The following PIWIL2 variants were observed in gnomAD, a reference collection of about 807,000 sequenced individuals.
PIWIL2 encodes piwi-like protein 2.
A neutral mutation model predicts 116.5 loss-of-function variants in PIWIL2; 81 were observed. The observed-to-expected ratio is 0.70, with a 90% confidence interval of 0.58 to 0.84. PIWIL2 has a LOEUF of 0.84. Among genes scored for constraint, PIWIL2 ranks in the 40% least tolerant of loss-of-function variants. The pLI is 0.00. For synonymous variants in PIWIL2, 489 were observed against 429.5 expected, an observed-to-expected ratio of 1.14 and a Z score of -1.71; for missense variants, 1,272 against 1,212.3, an observed-to-expected ratio of 1.05 and a Z score of -0.73.
At chr8:22,324,205 T>C (rs1471305049) in intron 20 of PIWIL2, among the ~76,000 whole-genome samples, 2 of 152,216 alleles carry the variant, frequency 1.3e-5, no homozygotes, top group Non-Finnish European at 2.9e-5. Context: ...AAGGTTGTAG[T>C]GTGCCAAGAT....
chr8:22,316,638 T>C (rs546900346), intron 19 of PIWIL2, among the ~76,000 whole-genome samples: 78 of 151,912 alleles, frequency 5.1e-4, no homozygotes, highest in African/African-American at 1.7e-3. Context: ...CGCACCACCA[T>C]GCCAGGCTAA....
At chr8:22,321,510 T>C (rs1022223903) in intron 20 of PIWIL2, among the ~76,000 whole-genome samples, 6 of 152,174 alleles carry the variant, frequency 3.9e-5, no homozygotes, top group Admixed American at 2.0e-4. Context: ...AAGGAATCTT[T>C]GTATTTAAAC....
intron 10 of PIWIL2, among the ~76,000 whole-genome samples, chr8:22,292,780 G>A (rs999116592): frequency 1.1e-4 from 16 of 152,216 alleles, no homozygotes; most frequent in Non-Finnish European, 2.4e-4. Context: ...CCTTGTAAAG[G>A]TTAAAGCAGA....
At chr8:22,324,509 A>G (rs1831679186) in intron 20 of PIWIL2, among the ~76,000 whole-genome samples, 2 of 152,080 alleles carry the variant, frequency 1.3e-5, no homozygotes, top group African/African-American at 4.8e-5. Context: ...GGTTTTCTCT[A>G]CTACTAGGCA....
chr8:22,351,168 T>C (rs1184723594), intron 20 of PIWIL2, among the ~76,000 whole-genome samples: 1 of 151,230 alleles, frequency 6.6e-6, no homozygotes, highest in African/African-American at 2.4e-5. Context: ...AATAATTAAT[T>C]AATTAACTGG....
chr8:22,328,449 GTTTT>G (rs1586583516), intron 20 of PIWIL2, among the ~76,000 whole-genome samples: 1 of 152,060 alleles, frequency 6.6e-6, no homozygotes, highest in East Asian at 1.9e-4. Flanking sequence ...TTGAGAGAAG[GTTTT>G]TTTGTTTCTG....
At chr8:22,302,042 A>G (rs1032929368) in intron 10 of PIWIL2, among the ~76,000 whole-genome samples, 7 of 152,086 alleles carry the variant, frequency 4.6e-5, no homozygotes, top group Non-Finnish European at 1.0e-4. Flanking sequence ...CCTTCAGTTC[A>G]AGATATTTTC....
At chr8:22,330,489 G>A (rs553503656) in intron 20 of PIWIL2, among the ~76,000 whole-genome samples, 184 of 151,404 alleles carry the variant, frequency 1.2e-3, no homozygotes, top group African/African-American at 4.4e-3. Context: ...ACGAGGTCAG[G>A]GGTTCGAGAC....
intron 20 of PIWIL2, among the ~76,000 whole-genome samples, chr8:22,344,843 T>C (rs981906597): frequency 2.0e-5 from 3 of 152,152 alleles, no homozygotes; most frequent in Admixed American, 2.0e-4. Flanking sequence ...GCCGCTGCAC[T>C]CCAGCCTTGG....
At chr8:22,303,948 C>A in intron 10 of PIWIL2, 73 bp from the exon 11 acceptor site, 3 of 927,774 alleles carry the variant, frequency 3.2e-6, no homozygotes, top group Non-Finnish European at 4.9e-6. Context: ...TCCTCAATTA[C>A]TTGATCCCCT....
In PIWIL2 at chr8:22,314,339, G is replaced by A. The variant is rs1050873986; in HGVS notation, c.2001G>A (p.Gln667=). The change falls in exon 17 of 23, where the codon CAG becomes CAA. Residue 667 remains glutamine, a synonymous_variant. Transcript: ENST00000356766. ...QSTLGAEGKI[Q]MVVCIIMGPR... is the part of the protein sequence containing the mutation. ...CTTATCTCCTCAAGGGGAAGATACA[G>A]ATGGTTGTTTGCATCATCATGGGCC... 2 of 1,556,840 alleles carry A rather than the reference G, an allele frequency of 1.3e-6. No homozygotes were observed. Among genetic ancestry groups the A allele is most frequent in the East Asian group, 4.7e-5 (2 of 42,110 alleles).
intron 6 of PIWIL2, 65 bp from the exon 7 acceptor site, chr8:22,287,463 C>A: frequency 9.8e-7 from 1 of 1,019,328 alleles, no homozygotes; most frequent in Non-Finnish European, 1.6e-6. Context: ...GCACCTGTTG[C>A]ACAGCTCTGG....
chr8:22,290,670 T>A (rs996864592), intron 10 of PIWIL2, among the ~76,000 whole-genome samples: 49 of 146,556 alleles, frequency 3.3e-4, no homozygotes, highest in Middle Eastern at 3.5e-3. Context: ...CCCAGCCTGC[T>A]ATGTTTCCTG....
At chr8:22,299,373 G>T (rs892290330) in intron 10 of PIWIL2, among the ~76,000 whole-genome samples, 1 of 151,892 alleles carries the variant, frequency 6.6e-6, no homozygotes, top group East Asian at 1.9e-4. Flanking sequence ...ACCACACCTG[G>T]CTAACTGTAT....
intron 20 of PIWIL2, among the ~76,000 whole-genome samples, chr8:22,339,784 C>T (rs1480596416): frequency 6.6e-6 from 1 of 152,146 alleles, no homozygotes; most frequent in African/African-American, 2.4e-5. Context: ...TCAAGAAAAA[C>T]ACAACCCAAT....
At chr8:22,344,873 TAAAGA>T (rs1832189873) in intron 20 of PIWIL2, among the ~76,000 whole-genome samples, 2 of 151,996 alleles carry the variant, frequency 1.3e-5, no homozygotes, top group African/African-American at 4.8e-5. Flanking sequence ...AAGACCCTTT[TAAAGA>T]AAAGATTAAA....
rs1563437502 is a variant in PIWIL2 at position 22,353,029 on chromosome 8, T to C, written c.2474T>C (p.Val825Ala). 1 of 1,614,080 alleles carries C rather than the reference T, an allele frequency of 6.2e-7. No individual in the cohort carries two copies. The highest frequency in any genetic ancestry group is 1.1e-5 in the South Asian group (1 of 91,080). ...GTGTCTGATGGCCAACTGAAGACAGTTGCCAACTATGAGATTCCTCAACTA... is the reference window on the plus strand; with the variant it reads ...GTGTCTGATGGCCAACTGAAGACAGCTGCCAACTATGAGATTCCTCAACTA... ...DGVSDGQLKT[V>A]ANYEIPQLQK... The change falls in exon 21 of 23, where the codon GTT becomes GCT. Residue 825 changes from valine to alanine, a missense_variant. Transcript: ENST00000356766.
chr8:22,293,754 A>G (rs1000259098), intron 10 of PIWIL2, among the ~76,000 whole-genome samples: 1 of 152,194 alleles, frequency 6.6e-6, no homozygotes, highest in Non-Finnish European at 1.5e-5. Flanking sequence ...ACTGCCTTAT[A>G]TGCTAAAATA....
At chr8:22,320,102 A>AT (rs1831560407) in intron 20 of PIWIL2, among the ~76,000 whole-genome samples, 1 of 151,968 alleles carries the variant, frequency 6.6e-6, no homozygotes, top group South Asian at 2.1e-4. Flanking sequence ...AGCTGGGATT[A>AT]TAGGCATGTG....
Sources: gnomAD v4.1 joint callset for allele counts (sites outside exome capture counted in the v4.1 genomes callset) on GRCh38, gnomAD v4.1.1 for gene constraint, MANE v1.5 for transcripts, NCBI Gene and HGNC (gene_info 2026-07-23, HGNC 2026-07-21) for gene names.